The following SAMSN1 variants were observed in gnomAD, a reference collection of about 807,000 sequenced individuals.
SAMSN1 encodes SAM domain, SH3 domain and nuclear localization signals 1, also known as SAM domain-containing protein SAMSN-1.
In SAMSN1, 31 loss-of-function variants were observed where a neutral mutation model predicts 42.0. The observed-to-expected ratio is 0.74, with a 90% confidence interval of 0.55 to 1.00. The LOEUF (loss-of-function observed/expected upper bound fraction) is 1.00. Ranked by LOEUF, SAMSN1 falls within the 50% of genes least tolerant of loss-of-function variation. The pLI is 0.00. For synonymous variants in SAMSN1, 178 were observed against 151.9 expected (o/e 1.17, Z -1.26); for missense variants, 464 against 439.4 (o/e 1.06, Z -0.50).
At chr21:14,522,370 T>C (rs1978551799) in intron 1 of SAMSN1, among the ~76,000 whole-genome samples, 1 of 152,244 alleles carries the variant, frequency 6.6e-6, no homozygotes, top group Admixed American at 6.5e-5. Context: ...TTGGGTTCTT[T>C]GTGTACTCAT....
intron 1 of SAMSN1, among the ~76,000 whole-genome samples, chr21:14,526,358 A>G (rs556930178): frequency 6.6e-6 from 1 of 152,356 alleles, no homozygotes; most frequent in South Asian, 2.1e-4. Context: ...CTGCAATCAC[A>G]TCGTGCAGTT....
At chr21:14,522,324 A>C (rs559344362) in intron 1 of SAMSN1, among the ~76,000 whole-genome samples, 1 of 152,282 alleles carries the variant, frequency 6.6e-6, no homozygotes, top group South Asian at 2.1e-4. Flanking sequence ...TCACTATCTA[A>C]TTTTATGCAT....
rs564142933 is a variant in SAMSN1 at position 14,516,953 on chromosome 21, A to G, written c.218T>C (p.Ile73Thr). The G allele has an allele frequency of 6.2e-7, 1 of 1,613,556 alleles. No individual in the cohort carries two copies. Among genetic ancestry groups the G allele is most frequent in the South Asian group, 1.1e-5 (1 of 91,016 alleles). Reference sequence around the variant, plus strand: ...CACTTTTTTCTTCATTGTCCATGAAATAGCTCTCATTTTTTTACCCAAACC... The same window carrying G: ...CACTTTTTTCTTCATTGTCCATGAAGTAGCTCTCATTTTTTTACCCAAACC... Reference protein sequence around the residue: ...GGGLGKKMRAISWTMKKKVGK... With the variant: ...GGGLGKKMRATSWTMKKKVGK... Residue 73 changes from isoleucine (I) to threonine (T), a missense_variant, in exon 3 of 8, where the codon ATT becomes ACT. Ile to Thr is a moderately conservative substitution (Grantham distance 89). Transcript: ENST00000400566.
chr21:14,623,327 A>G (rs1983065912), intron 2 of SAMSN1, among the ~76,000 whole-genome samples: 1 of 152,224 alleles, frequency 6.6e-6, no homozygotes, highest in South Asian at 2.1e-4. Context: ...AGACTGGCAA[A>G]TTGGATAAAG....
chr21:14,633,331 G>C (rs780403312), intron 2 of SAMSN1, among the ~76,000 whole-genome samples: 22 of 152,202 alleles, frequency 1.4e-4, no homozygotes, highest in Admixed American at 3.3e-4. Flanking sequence ...CAAAAGGAAA[G>C]TAATAGAGTT....
In SAMSN1 at chr21:14,486,032, G is replaced by T; in HGVS notation, c.1002C>A (p.Cys334Ter). The change falls in exon 8 of 8, where the codon TGC becomes TGA. Residue 334 changes from cysteine (C) to a stop codon, truncating the protein, a stop_gained. Coordinates refer to ENST00000400566, the MANE Select transcript of SAMSN1 (RefSeq NM_022136.5). LOFTEE classifies it high-confidence loss of function. ...AGATATAGCAACCAGAGTCCCTTGG[G>T]CAGTCATCTAACTGTGACTTATTTA... is the stretch of plus-strand genomic sequence containing the variant. ...ISLNKSQLDD[C>*]PRDSGCYISS... 1 of 1,613,338 alleles carries T rather than the reference G, an allele frequency of 6.2e-7. No homozygotes were observed. Among genetic ancestry groups the T allele is most frequent in the Non-Finnish European group, 8.5e-7 (1 of 1,179,384 alleles).
At chr21:14,581,214 G>C (rs8132313) in intron 2 of SAMSN1, among the ~76,000 whole-genome samples, 14,730 of 151,820 alleles carry the variant, frequency 0.097, 1,849 homozygotes, top group African/African-American at 0.29. Context: ...AAAAGCAGGA[G>C]CTCTAGCTAA....
chr21:14,534,354 G>A (rs1329773798), intron 1 of SAMSN1, among the ~76,000 whole-genome samples: 1 of 152,048 alleles, frequency 6.6e-6, no homozygotes, highest in Non-Finnish European at 1.5e-5. Context: ...AAAAATCCCA[G>A]GGATGCAAAT....
At position 14,648,933 on chromosome 21, in the gene SAMSN1, G is replaced by T. The variant is rs374961452; in HGVS notation, c.25-5800C>A. On this transcript the variant is annotated intron_variant, in intron 1 of 15. Coordinates refer to the SAMSN1 transcript ENST00000647101. The stretch of plus-strand genomic sequence containing the variant: ...TCCCATTACTGGGTATATACCCAAA[G>T]GACTATAAATCATGCTGCTATAAAG... Among the ~76,000 whole-genome samples, 10 of 151,320 alleles carry T rather than the reference G, an allele frequency of 6.6e-5. No individual in the cohort carries two copies. In the South Asian group the frequency reaches 1.0e-3, roughly 16 times the overall value.
intron 5 of SAMSN1, among the ~76,000 whole-genome samples, chr21:14,609,251 T>A (rs1982641850): frequency 6.6e-6 from 1 of 152,136 alleles, no homozygotes; most frequent in African/African-American, 2.4e-5. Context: ...AGATTCCACT[T>A]CCTTTCTGTA....
chr21:14,652,239 C>A (rs1486141414), intron 1 of SAMSN1, among the ~76,000 whole-genome samples: 1 of 151,922 alleles, frequency 6.6e-6, no homozygotes, highest in Non-Finnish European at 1.5e-5. Context: ...CCAAAGCTAT[C>A]CTAAGCAAAA....
chr21:14,531,907 G>T (rs17003477), intron 1 of SAMSN1, among the ~76,000 whole-genome samples: 14 of 152,214 alleles, frequency 9.2e-5, no homozygotes, highest in African/African-American at 3.1e-4. Context: ...CTTTCTAAAG[G>T]TCTGCCCAAG....
chr21:14,496,004 A>T (rs1444740948), intron 7 of SAMSN1: 1 of 152,164 alleles, frequency 6.6e-6, no homozygotes, highest in African/African-American at 2.4e-5. Flanking sequence ...AGTGGAATGA[A>T]AAAATTAAGG....
intron 3 of SAMSN1, among the ~76,000 whole-genome samples, chr21:14,514,991 T>C (rs1390553416): frequency 1.3e-5 from 2 of 152,012 alleles, no homozygotes; most frequent in Non-Finnish European, 2.9e-5. Flanking sequence ...CAGGAAGATG[T>C]TTCAAGGGAT....
At chr21:14,577,090 CTG>C (rs1167327560) in intron 2 of SAMSN1, among the ~76,000 whole-genome samples, 3 of 112,744 alleles carry the variant, frequency 2.7e-5, no homozygotes, top group Non-Finnish European at 5.1e-5. Flanking sequence ...GAATCTCACT[CTG>C]TCTCTCAGGC....
At chr21:14,533,145 C>G (rs1273212138) in intron 1 of SAMSN1, among the ~76,000 whole-genome samples, 1 of 151,992 alleles carries the variant, frequency 6.6e-6, no homozygotes, top group Non-Finnish European at 1.5e-5. Context: ...GTCTTGAACT[C>G]CTGTCAAGCA....
chr21:14,572,872 G>A (rs1487449149), intron 2 of SAMSN1, among the ~76,000 whole-genome samples: 2 of 152,042 alleles, frequency 1.3e-5, no homozygotes, highest in Non-Finnish European at 2.9e-5. Flanking sequence ...GAAAAACTTT[G>A]GATTATATGT....
chr21:14,584,297 T>TA (rs1215245323), upstream of SAMSN1, among the ~76,000 whole-genome samples: 1 of 152,156 alleles, frequency 6.6e-6, no homozygotes, highest in African/African-American at 2.4e-5. Flanking sequence ...AACATACTTT[T>TA]AAAAAAATAG....
chr21:14,541,742 C>T (rs1486575490), intron 1 of SAMSN1, among the ~76,000 whole-genome samples: 1 of 152,100 alleles, frequency 6.6e-6, no homozygotes, highest in Middle Eastern at 3.2e-3. Context: ...ATATGTGGTG[C>T]TTACTTCAAT....
Sources: gnomAD v4.1 joint callset for allele counts (sites outside exome capture counted in the v4.1 genomes callset) on GRCh38, gnomAD v4.1.1 for gene constraint, MANE v1.5 for transcripts, NCBI Gene and HGNC (gene_info 2026-07-23, HGNC 2026-07-21) for gene names.